Variants in CHMP4B observed in about 807,000 individuals in gnomAD.
CHMP4B encodes the protein charged multivesicular body protein 4B.
CHMP4B carries 1 observed loss-of-function variant against 25.1 expected under a neutral mutation model. The observed-to-expected ratio is 0.04, with a 90% CI of 0.01 to 0.19. The LOEUF (loss-of-function observed/expected upper bound fraction) is 0.19. Among genes scored for constraint, CHMP4B ranks in the 10% least tolerant of loss-of-function variants. The pLI is 1.00. For missense variants in CHMP4B, 151 were observed against 289.7 expected, an observed-to-expected ratio of 0.52 and a Z score of 3.48; for synonymous variants, 101 against 115.6, an observed-to-expected ratio of 0.87 and a Z score of 0.81.
At chr20:33,851,379 C>T (rs1979842108) in intron 3 of CHMP4B, among the ~76,000 whole-genome samples, 1 of 152,150 alleles carries the variant, frequency 6.6e-6, no homozygotes, top group Admixed American at 6.5e-5. Flanking sequence ...GATGACCATG[C>T]CCTGGAGAAG....
At chr20:33,829,178 C>T (rs988461729) in intron 1 of CHMP4B, among the ~76,000 whole-genome samples, 1 of 152,176 alleles carries the variant, frequency 6.6e-6, no homozygotes, top group Non-Finnish European at 1.5e-5. Flanking sequence ...AGGAGAGAGG[C>T]TGCTTCTTGC....
At chr20:33,817,399 G>C (rs1051902252) in intron 1 of CHMP4B, among the ~76,000 whole-genome samples, 1 of 152,214 alleles carries the variant, frequency 6.6e-6, no homozygotes, top group Non-Finnish European at 1.5e-5. Flanking sequence ...GCCAGAGTAG[G>C]TTTATAATGT....
chr20:33,813,395 A>G (rs547213240), intron 1 of CHMP4B, among the ~76,000 whole-genome samples: 3 of 152,068 alleles, frequency 2.0e-5, no homozygotes, highest in Non-Finnish European at 4.4e-5. Context: ...GTCCTTATTG[A>G]CAGAGTTTTT....
intron 2 of CHMP4B, among the ~76,000 whole-genome samples, chr20:33,849,612 A>C (rs1979790533): frequency 6.6e-6 from 1 of 152,220 alleles, no homozygotes; most frequent in East Asian, 1.9e-4. Context: ...AAAAAATAAA[A>C]AATAAAAAAT....
chr20:33,837,133 AAC>A (rs1979412820), intron 1 of CHMP4B, among the ~76,000 whole-genome samples: 3 of 152,184 alleles, frequency 2.0e-5, no homozygotes, highest in Admixed American at 2.0e-4. Context: ...AGAAAGGAAG[AAC>A]TGGCCGGGCG....
intron 2 of CHMP4B, 88 bp downstream of exon 2, chr20:33,848,732 C>G (rs1979757668): frequency 7.3e-7 from 1 of 1,364,192 alleles, no homozygotes; most frequent in African/African-American, 1.4e-5. Flanking sequence ...AGACGGATCC[C>G]TTGACTTACC....
chr20:33,822,684 T>C (rs1978975073), intron 1 of CHMP4B, among the ~76,000 whole-genome samples: 1 of 152,256 alleles, frequency 6.6e-6, no homozygotes, highest in Non-Finnish European at 1.5e-5. Flanking sequence ...GCTGCAGGGC[T>C]CACAGCTGCG....
At chr20:33,825,495 A>G (rs911578452) in intron 1 of CHMP4B, among the ~76,000 whole-genome samples, 1 of 152,154 alleles carries the variant, frequency 6.6e-6, no homozygotes, top group African/African-American at 2.4e-5. Flanking sequence ...ACTTGAGAGA[A>G]CAGCAGGTCT....
At chr20:33,843,476 T>G (rs1979599644) in intron 1 of CHMP4B, among the ~76,000 whole-genome samples, 1 of 152,246 alleles carries the variant, frequency 6.6e-6, no homozygotes, top group Non-Finnish European at 1.5e-5. Flanking sequence ...TAGACACCTC[T>G]TTTTTGAATA....
intron 1 of CHMP4B, among the ~76,000 whole-genome samples, chr20:33,827,901 A>G (rs771093541): frequency 1.8e-4 from 28 of 152,174 alleles, no homozygotes; most frequent in Non-Finnish European, 3.5e-4. Context: ...GCCTGACTTG[A>G]GTCATTTTAT....
chr20:33,848,474 C>T lies in CHMP4B; in HGVS notation c.198C>T (p.Leu66=), dbSNP rs1338605555. 14 of 1,614,068 alleles carry T rather than the reference C, an allele frequency of 8.7e-6. No individual in the cohort carries two copies. Among genetic ancestry groups the T allele is most frequent in the South Asian group, 7.7e-5 (7 of 91,088 alleles). ...KHGTKNKRAA[L]QALKRKKRYE... is the part of the protein sequence containing the mutation. ...GTTTTCTCCCTCACGCAGCGGCCCT[C>T]CAGGCACTGAAGCGTAAGAAGAGGT... Residue 66 remains leucine (L), a synonymous_variant, in exon 2 of 5, where the codon CTC becomes CTT. Transcript: ENST00000217402.
intron 2 of CHMP4B, among the ~76,000 whole-genome samples, chr20:33,848,873 G>C (rs2122815097): frequency 6.6e-6 from 1 of 152,364 alleles, no homozygotes; most frequent in African/African-American, 2.4e-5. Flanking sequence ...ATTGTGATGA[G>C]CATAGTTTCA....
In CHMP4B at chr20:33,853,607, C is replaced by T. The variant is rs1406991298; in HGVS notation, c.*47C>T. The T allele has an allele frequency of 5.8e-6, 9 of 1,558,840 alleles. No individual in the cohort carries two copies. In the African/African-American group the frequency reaches 6.8e-5, roughly 12 times the overall value. On this transcript the variant is annotated 3_prime_UTR_variant, in exon 5 of 5. Coordinates refer to ENST00000217402, the MANE Select transcript of CHMP4B (RefSeq NM_176812.5). ...CCCAGACAGACTGTGGTGGCCTGCG[C>T]AGCGAGCAGGCGTGTGCGTGTGTGG...
At chr20:33,829,878 T>A (rs1256197327) in intron 1 of CHMP4B, among the ~76,000 whole-genome samples, 1 of 152,168 alleles carries the variant, frequency 6.6e-6, no homozygotes, top group Non-Finnish European at 1.5e-5. Flanking sequence ...AGACAGTAGA[T>A]AGTAGATAGG....
chr20:33,839,940 A>G (rs1979488502), intron 1 of CHMP4B, among the ~76,000 whole-genome samples: 1 of 152,224 alleles, frequency 6.6e-6, no homozygotes, highest in African/African-American at 2.4e-5. Context: ...ACTAGTGAGC[A>G]TGGAAAGTAT....
chr20:33,836,474 A>G (rs1979394506), intron 1 of CHMP4B, among the ~76,000 whole-genome samples: 1 of 152,004 alleles, frequency 6.6e-6, no homozygotes, highest in Non-Finnish European at 1.5e-5. Flanking sequence ...AGGCTTTTCT[A>G]ATCTAGCTGA....
rs565728617 is a variant in CHMP4B at position 33,835,400 on chromosome 20, C to T, written c.191-13067C>T. Among the ~76,000 whole-genome samples the T allele has an allele frequency of 7.9e-5, 12 of 152,172 alleles. No homozygotes were observed. In the South Asian group the frequency reaches 8.3e-4, roughly 11 times the overall value. ...TTCATCAAAGTGGAAAATTTTTGGC[C>T]GTTATTTCTTGAAATGTTTATTCAC... On this transcript the variant is annotated intron_variant, in intron 1 of 4. Coordinates refer to ENST00000217402, the MANE Select transcript of CHMP4B (RefSeq NM_176812.5).
rs1978604382 is a variant in CHMP4B, at chr20:33,811,431, GGAGCGGGCGGCGAAGGCCGGCGCGGC to G, written c.-33_-8del. 6.8e-7 allele frequency: 1 copy of G among 1,459,976 alleles called. No homozygotes were observed. Among genetic ancestry groups the G allele is most frequent in the Admixed American group, 2.7e-5 (1 of 37,566 alleles). 90.4% of individuals were successfully genotyped at this position (1,459,976 alleles called of 1,614,324 possible). ...GAGCCGAGCCGAGCCGAGCCGAGCCGGAGCGGGCGGCGAAGGCCGGCGCGGCGAGCAGCAACCATGTCGGTGTTCGG... is the reference window on the plus strand; with the variant it reads ...GAGCCGAGCCGAGCCGAGCCGAGCCGGAGCAGCAACCATGTCGGTGTTCGG... On this transcript the variant is annotated 5_prime_UTR_variant, in exon 1 of 5. Transcript: ENST00000217402.
At chr20:33,826,132 C>G (rs1046020925) in intron 1 of CHMP4B, among the ~76,000 whole-genome samples, 2 of 152,106 alleles carry the variant, frequency 1.3e-5, no homozygotes, top group African/African-American at 4.8e-5. Flanking sequence ...AAATAAGGCA[C>G]GCCTACCATT....
Sources: gnomAD v4.1 joint callset for allele counts (sites outside exome capture counted in the v4.1 genomes callset) on GRCh38, gnomAD v4.1.1 for gene constraint, MANE v1.5 for transcripts, NCBI Gene and HGNC (gene_info 2026-07-23, HGNC 2026-07-21) for gene names.